OXSR1: variants seen among roughly 807,000 people sequenced by gnomAD.
OXSR1 encodes the protein serine/threonine-protein kinase OSR1.
OXSR1 carries 24 observed loss-of-function variants against 79.8 expected under a neutral mutation model. That is an observed-to-expected ratio of 0.30 (90% CI 0.22 to 0.42). The LOEUF (loss-of-function observed/expected upper bound fraction) is 0.42. Among genes scored for constraint, OXSR1 ranks in the 10% least tolerant of loss-of-function variants. The pLI is 1.00. For missense variants in OXSR1, 430 were observed against 618.4 expected (o/e 0.70, Z 3.23); for synonymous variants, 226 against 209.2 (o/e 1.08, Z -0.69).
chr3:38,236,693 A>G (rs1702924865), intron 10 of OXSR1, 146 bp from the exon 11 acceptor site: 1 of 642,266 alleles, frequency 1.6e-6, no homozygotes, highest in Non-Finnish European at 2.5e-6. Context: ...TGATGGTTGG[A>G]GGATATGAAT....
intron 1 of OXSR1, among the ~76,000 whole-genome samples, chr3:38,172,908 C>T (rs1025461071): frequency 6.6e-6 from 1 of 152,184 alleles, no homozygotes; most frequent in East Asian, 1.9e-4. Context: ...CACCCAGGCT[C>T]CTAGTTTTTT....
chr3:38,221,519 C>T (rs771756459), intron 5 of OXSR1, 59 bp from the exon 6 acceptor site: 1 of 877,722 alleles, frequency 1.1e-6, no homozygotes, highest in Non-Finnish European at 1.9e-6. Flanking sequence ...GTATTGTTTT[C>T]CTATTCATTT....
chr3:38,191,965 C>G (rs920718755), intron 3 of OXSR1, among the ~76,000 whole-genome samples: 1 of 152,116 alleles, frequency 6.6e-6, no homozygotes, highest in Non-Finnish European at 1.5e-5. Context: ...AATCTGTACT[C>G]TAGTTCCTAC....
At chr3:38,174,513 C>T (rs1701642772) in intron 1 of OXSR1, among the ~76,000 whole-genome samples, 2 of 152,112 alleles carry the variant, frequency 1.3e-5, no homozygotes, top group Non-Finnish European at 2.9e-5. Flanking sequence ...ACCCGAGTGA[C>T]AGAGGTTGCA....
chr3:38,206,140 T>C (rs1702260102), intron 4 of OXSR1, among the ~76,000 whole-genome samples: 1 of 152,204 alleles, frequency 6.6e-6, no homozygotes, highest in Non-Finnish European at 1.5e-5. Context: ...TTGTATATTG[T>C]CACATGCATG....
At chr3:38,194,538 T>TA (rs1293249049) in intron 3 of OXSR1, among the ~76,000 whole-genome samples, 10 of 151,350 alleles carry the variant, frequency 6.6e-5, no homozygotes, top group Non-Finnish European at 8.9e-5. Flanking sequence ...ACTCTGTCTC[T>TA]AAAAAAAAAT....
intron 1 of OXSR1, among the ~76,000 whole-genome samples, chr3:38,179,133 C>T (rs780160368): frequency 7.3e-5 from 11 of 150,878 alleles, no homozygotes; most frequent in Non-Finnish European, 1.5e-5. Flanking sequence ...CAGGCTCAAG[C>T]GATCCTCCTA....
At chr3:38,188,194 T>C (rs1701918618) in intron 2 of OXSR1, among the ~76,000 whole-genome samples, 1 of 152,152 alleles carries the variant, frequency 6.6e-6, no homozygotes, top group South Asian at 2.1e-4. Flanking sequence ...AGCTTAACAT[T>C]TAAGACCTTC....
Position 38,189,835 on chromosome 3 carries a change from T to G in OXSR1, c.184-896T>G, listed in dbSNP as rs75577446. 7.2e-5 allele frequency among the ~76,000 whole-genome samples: 11 copies of G among 152,340 alleles called. 1 individual carries two copies. The East Asian group carries it at 1.9e-3, about 27-fold the overall frequency. On this transcript the variant is annotated intron_variant, in intron 2 of 17. Transcript: ENST00000311806. ...AGATAAGTTCCACAGTGATTGAGAA[T>G]CTACTTTTGAGTACTTGCCTTCATG...
intron 4 of OXSR1, among the ~76,000 whole-genome samples, chr3:38,202,085 A>G (rs576789717): frequency 1.3e-5 from 2 of 152,072 alleles, no homozygotes; most frequent in East Asian, 3.9e-4. Flanking sequence ...TAGTCATAGT[A>G]GAGTAGTTGA....
At chr3:38,217,323 TA>T (rs2125832979) in intron 5 of OXSR1, among the ~76,000 whole-genome samples, 1 of 152,352 alleles carries the variant, frequency 6.6e-6, no homozygotes, top group South Asian at 2.1e-4. Flanking sequence ...GATGGGAATA[TA>T]AATTGGTACA....
At chr3:38,192,697 C>G (rs114916109) in intron 3 of OXSR1, among the ~76,000 whole-genome samples, 1 of 152,072 alleles carries the variant, frequency 6.6e-6, no homozygotes, top group South Asian at 2.1e-4. Flanking sequence ...ATGTATAGAT[C>G]GAACATTTTG....
chr3:38,231,744 A>C lies in OXSR1; in HGVS notation c.951+1314A>C, dbSNP rs532372840. ...TATTAATAATATGTATAAAATTTCT[A>C]TGCTTATTATTGTTTATAATAAATC... On this transcript the variant is annotated intron_variant, in intron 10 of 17. Transcript: ENST00000311806. Among the ~76,000 whole-genome samples the C allele has an allele frequency of 3.3e-5, 5 of 152,254 alleles. No individual in the cohort carries two copies. The East Asian group carries it at 9.6e-4, about 29-fold the overall frequency.
rs553139812 is a variant in OXSR1 at position 38,253,762 on chromosome 3, A to G, written c.*871A>G. 6.0e-6 allele frequency: 1 copy of G among 166,840 alleles called. No individual in the cohort carries two copies. Among genetic ancestry groups the G allele is most frequent in the South Asian group, 2.0e-4 (1 of 4,960 alleles). 10.3% of individuals were successfully genotyped at this position (166,840 alleles called of 1,614,324 possible). Reference sequence around the variant, plus strand: ...GAAGAAAAACTCAATCCTCCCATGAAAATCAGTTCGCCTGGCCTCCAAGTC... The same window carrying G: ...GAAGAAAAACTCAATCCTCCCATGAGAATCAGTTCGCCTGGCCTCCAAGTC... On this transcript the variant is annotated 3_prime_UTR_variant, in exon 18 of 18. Transcript: ENST00000311806.
intron 13 of OXSR1, 152 bp from the exon 14 acceptor site, chr3:38,247,516 C>T (rs561493693): frequency 9.0e-6 from 5 of 556,940 alleles, no homozygotes; most frequent in South Asian, 2.6e-5. Flanking sequence ...TGCATGTCCT[C>T]CTCCAGCAGG....
At chr3:38,176,764 A>G (rs765771010) in intron 1 of OXSR1, among the ~76,000 whole-genome samples, 9 of 152,370 alleles carry the variant, frequency 5.9e-5, no homozygotes, top group Non-Finnish European at 1.3e-4. Context: ...AAAGAAAGAT[A>G]CTTTAGTATC....
chr3:38,177,475 A>G (rs1701695232), intron 1 of OXSR1, among the ~76,000 whole-genome samples: 2 of 152,232 alleles, frequency 1.3e-5, no homozygotes, highest in Admixed American at 1.3e-4. Flanking sequence ...TAATAAGTTA[A>G]TGTTCCTAAA....
intron 11 of OXSR1, among the ~76,000 whole-genome samples, chr3:38,239,777 C>G (rs1306402532): frequency 6.6e-6 from 1 of 152,188 alleles, no homozygotes; most frequent in Non-Finnish European, 1.5e-5. Flanking sequence ...TCAGCTTAAT[C>G]TGCCTTGGTC....
At chr3:38,166,592 A>G (rs564565499) in intron 1 of OXSR1, among the ~76,000 whole-genome samples, 1 of 152,204 alleles carries the variant, frequency 6.6e-6, no homozygotes, top group South Asian at 2.1e-4. Flanking sequence ...GGGGTTCGAG[A>G]CCAGCCTGGC....
Sources: gnomAD v4.1 joint callset for allele counts (sites outside exome capture counted in the v4.1 genomes callset) on GRCh38, gnomAD v4.1.1 for gene constraint, MANE v1.5 for transcripts, NCBI Gene and HGNC (gene_info 2026-07-23, HGNC 2026-07-21) for gene names.